NDE1: variants seen among roughly 807,000 people sequenced by gnomAD.
NDE1 encodes nuclear distribution protein nudE homolog 1.
NDE1 carries 28 observed loss-of-function variants against 43.4 expected under a neutral mutation model. The observed-to-expected ratio is 0.65, with a 90% CI of 0.48 to 0.89. NDE1 has a LOEUF of 0.89. NDE1 is among the 40% of genes least tolerant of loss of function. NDE1 has a pLI of 0.00. For synonymous variants in NDE1, 184 were observed against 172.0 expected, an observed-to-expected ratio of 1.07 and a Z score of -0.55; for missense variants, 441 against 434.1, an observed-to-expected ratio of 1.02 and a Z score of -0.14.
At position 15,717,156 on chromosome 16, in the gene NDE1, C is replaced by T. The variant is rs185904370; in HGVS notation, c.948-7035C>T. The T allele has an allele frequency of 3.7e-6, 6 of 1,614,216 alleles. No individual in the cohort carries two copies. The highest frequency in any genetic ancestry group is 1.6e-4 in the Middle Eastern group (1 of 6,062). ...CCCGCATACCTGGCCTCCTGCTCGA[C>T]CTGCTCCTCCAGCTGTGCAATCTTG... On this transcript the variant is annotated intron_variant, in intron 8 of 8. Transcript: ENST00000396354.
rs147679982 is a variant in NDE1, at chr16:15,723,067, C to T, written c.948-1124C>T. On this transcript the variant is annotated intron_variant, in intron 8 of 8. Coordinates refer to ENST00000396354, the MANE Select transcript of NDE1 (RefSeq NM_017668.3). The stretch of plus-strand genomic sequence containing the variant: ...CCTCTCAAACTGATTTTTAGAATAA[C>T]CCTGAGTCACTTGTAAACTAAATCA... 1.3e-3 allele frequency among the ~76,000 whole-genome samples: 194 copies of T among 152,162 alleles called. 1 individual carries two copies. Among genetic ancestry groups the T allele is most frequent in the African/African-American group, 4.5e-3 (187 of 41,526 alleles).
chr16:15,717,225 C>A (rs985865728), intron 8 of NDE1: 2 of 1,614,010 alleles, frequency 1.2e-6, no homozygotes, highest in East Asian at 2.2e-5. Context: ...GACTTGACGG[C>A]CCCCTCCATC....
intron 4 of NDE1, among the ~76,000 whole-genome samples, chr16:15,679,179 G>A (rs2038046293): frequency 6.6e-6 from 1 of 152,198 alleles, no homozygotes; most frequent in Non-Finnish European, 1.5e-5. Context: ...TACCCAGGCT[G>A]GAGGGCAGTG....
At chr16:15,684,826 A>T (rs1193866183) in intron 4 of NDE1, among the ~76,000 whole-genome samples, 1 of 152,082 alleles carries the variant, frequency 6.6e-6, no homozygotes, top group Non-Finnish European at 1.5e-5. Flanking sequence ...ACTCTTGTCT[A>T]TTTCTGGACC....
intron 3 of NDE1, among the ~76,000 whole-genome samples, chr16:15,667,647 T>TTTTTGG (rs2037383162): frequency 6.7e-6 from 1 of 149,730 alleles, no homozygotes; most frequent in Non-Finnish European, 1.5e-5. Context: ...TTTTTTTTTT[T>TTTTTGG]TGAGATGGAG....
chr16:15,674,315 C>G (rs557779880), intron 3 of NDE1, among the ~76,000 whole-genome samples: 1 of 151,962 alleles, frequency 6.6e-6, no homozygotes, highest in African/African-American at 2.4e-5. Flanking sequence ...ACAATCTCTG[C>G]TCACTGCAAC....
intron 4 of NDE1, among the ~76,000 whole-genome samples, chr16:15,679,092 C>T (rs1221565797): frequency 2.6e-5 from 4 of 152,032 alleles, no homozygotes; most frequent in African/African-American, 7.2e-5. Flanking sequence ...CAAAACAAAA[C>T]AAAAAACAAC....
upstream of NDE1, among the ~76,000 whole-genome samples, chr16:15,649,709 A>G (rs2036406904): frequency 6.6e-6 from 1 of 152,202 alleles, no homozygotes; most frequent in African/African-American, 2.4e-5. Context: ...GGGCAGGACT[A>G]GGACTCAAAG....
chr16:15,697,194 C>A, intron 8 of NDE1: 1 of 416,628 alleles, frequency 2.4e-6, no homozygotes, highest in Non-Finnish European at 3.2e-6. Context: ...AGGTGCGTGT[C>A]ACCGTGCTCG....
At chr16:15,698,615 T>C (rs918046240) in intron 8 of NDE1, among the ~76,000 whole-genome samples, 40 of 152,060 alleles carry the variant, frequency 2.6e-4, no homozygotes, top group African/African-American at 9.2e-4. Context: ...TCCCAGCACT[T>C]TGGGAGGCAG....
intron 8 of NDE1, chr16:15,717,491 C>T (rs1219782775): frequency 1.2e-6 from 1 of 822,226 alleles, no homozygotes; most frequent in Non-Finnish European, 1.9e-6. Flanking sequence ...TCCTGTAAAA[C>T]TCCACTCAAG....
intron 3 of NDE1, 71 bp from the exon 4 acceptor site, chr16:15,677,730 G>T (rs2037959777): frequency 2.6e-6 from 4 of 1,559,936 alleles, no homozygotes. Flanking sequence ...ACTCCAGGTG[G>T]ATGTGTGCTA....
chr16:15,654,174 C>G (rs911347235), intron 1 of NDE1, among the ~76,000 whole-genome samples: 2 of 152,004 alleles, frequency 1.3e-5, no homozygotes, highest in Non-Finnish European at 2.9e-5. Flanking sequence ...GGTGTGGTGG[C>G]GTATTAAGAA....
At chr16:15,678,913 A>G (rs2038027668) in intron 4 of NDE1, among the ~76,000 whole-genome samples, 1 of 151,928 alleles carries the variant, frequency 6.6e-6, no homozygotes, top group African/African-American at 2.4e-5. Flanking sequence ...CGTCTCTACT[A>G]AAAATACAAA....
chr16:15,702,054 G>A (rs907650439), intron 8 of NDE1: 1 of 152,140 alleles, frequency 6.6e-6, no homozygotes, highest in South Asian at 2.1e-4. Flanking sequence ...TTCAAGCCAG[G>A]TTTTTAGAAA....
In NDE1 at chr16:15,686,448, G is replaced by A; in HGVS notation, c.387-927G>A. ...CCTTCACAAGAAGGGGTTGTGAGCA[G>A]GGCAGCTGGGCTGGTACTGGGCATT... On this transcript the variant is annotated intron_variant, in intron 4 of 8. Coordinates refer to ENST00000396354, the MANE Select transcript of NDE1 (RefSeq NM_017668.3). 3 of 985,418 alleles carry A rather than the reference G, an allele frequency of 3.0e-6. No individual in the cohort carries two copies. In the South Asian group the frequency reaches 1.4e-4, roughly 46 times the overall value. The allele number at this position is 985,418 out of a possible 1,614,324, so 61.0% of individuals were successfully genotyped here.
In NDE1 at chr16:15,667,319, C is replaced by A. The variant is rs797045732; in HGVS notation, c.117C>A (p.Phe39Leu). The A allele has an allele frequency of 6.2e-7, 1 of 1,614,106 alleles. No individual in the cohort carries two copies. The highest frequency in any genetic ancestry group is 2.2e-5 in the East Asian group (1 of 44,882). ...AENTQEELRE[F>L]QEGSREYEAE... is the part of the protein sequence containing the mutation. ...ATACGCAAGAGGAACTCCGAGAATT[C>A]CAGGAGGGAAGCCGAGAATATGAAG... Residue 39 changes from phenylalanine (F) to leucine (L), a missense_variant, in exon 3 of 9, where the codon TTC (phenylalanine) becomes TTA (leucine). Physicochemically the swap from Phe to Leu is conservative, Grantham distance 22. Coordinates refer to ENST00000396354, the MANE Select transcript of NDE1 (RefSeq NM_017668.3).
At chr16:15,690,545 A>G (rs1346016106) in intron 5 of NDE1, among the ~76,000 whole-genome samples, 1 of 151,460 alleles carries the variant, frequency 6.6e-6, no homozygotes, top group Non-Finnish European at 1.5e-5. Context: ...AGTGTTCTAA[A>G]TACACTGCTA....
chr16:15,659,425 CTTTTTTTTTTTTTTTTT>C (rs35091023), intron 1 of NDE1, among the ~76,000 whole-genome samples: 2 of 58,908 alleles, frequency 3.4e-5, no homozygotes, highest in East Asian at 5.0e-4. Flanking sequence ...TGCACACAAT[CTTTTTTTTTTTTTTTTT>C]TTTTTTTTTT....
Sources: gnomAD v4.1 joint callset for allele counts (sites outside exome capture counted in the v4.1 genomes callset) on GRCh38, gnomAD v4.1.1 for gene constraint, MANE v1.5 for transcripts, NCBI Gene and HGNC (gene_info 2026-07-23, HGNC 2026-07-21) for gene names.